KLK13: variants seen among roughly 807,000 people sequenced by gnomAD.
KLK13 encodes kallikrein related peptidase 13, also known as kallikrein-13.
In KLK13, 19 loss-of-function variants were observed where a neutral mutation model predicts 22.4. The ratio of observed to expected loss-of-function variants is 0.85; its 90% CI spans 0.59 to 1.24. KLK13 has a LOEUF of 1.24. Ranked by LOEUF, KLK13 falls within the 50% of genes most tolerant of loss-of-function variation. The pLI is 0.00. For synonymous variants in KLK13, 156 were observed against 141.8 expected (o/e 1.10, Z -0.71); for missense variants, 311 against 347.9 (o/e 0.89, Z 0.84).
At chr19:51,064,308 C>T (rs1257557664) in intron 1 of KLK13, among the ~76,000 whole-genome samples, 3 of 151,650 alleles carry the variant, frequency 2.0e-5, no homozygotes, top group African/African-American at 4.8e-5. Flanking sequence ...ACCAACATGG[C>T]GAAACCCCGT....
chr19:51,065,037 G>T lies in KLK13; in HGVS notation c.31C>A (p.Leu11Met), dbSNP rs866186319. Residue 11 changes from leucine (L) to methionine (M), a missense_variant, in exon 1 of 5, where the codon CTG becomes ATG. Leu to Met is a conservative substitution (Grantham distance 15). Coordinates refer to ENST00000595793, the MANE Select transcript of KLK13 (RefSeq NM_015596.3). MWPLALVIASLTLALSGGVSQ... is the reference protein window; with the variant it reads MWPLALVIASMTLALSGGVSQ... ...TTACCTCCTGACAAGGCCAAGGTCAGGGAGGCGATCACTAGGGCCAGGGGC... is the reference window on the plus strand; with the variant it reads ...TTACCTCCTGACAAGGCCAAGGTCATGGAGGCGATCACTAGGGCCAGGGGC... 1 of 1,554,916 alleles carries T rather than the reference G, an allele frequency of 6.4e-7. No individual in the cohort carries two copies. The highest frequency in any genetic ancestry group is 2.4e-5 in the East Asian group (1 of 41,400).
rs1260125701 is a variant in KLK13, at chr19:51,060,597, C to T, written c.75G>A (p.Lys25=). The change falls in exon 2 of 5, where the codon AAG becomes AAA. Residue 25 remains lysine (K), a synonymous_variant. Transcript: ENST00000595793. ...CACTGGTCCCATTGGTGTTGAGAAC[C>T]TTGGAAGACTCCTGGGAGACACCTG... is the stretch of plus-strand genomic sequence containing the variant. ...LSGGVSQESS[K]VLNTNGTSGF... is the part of the protein sequence containing the mutation. 12 of 1,605,954 alleles carry T rather than the reference C, an allele frequency of 7.5e-6. No individual in the cohort carries two copies. Among genetic ancestry groups the T allele is most frequent in the Non-Finnish European group, 1.0e-5 (12 of 1,174,246 alleles).
At chr19:51,061,327 A>G (rs568490832) in intron 1 of KLK13, among the ~76,000 whole-genome samples, 2 of 152,266 alleles carry the variant, frequency 1.3e-5, no homozygotes, top group East Asian at 1.9e-4. Flanking sequence ...CTGCATATAT[A>G]CTGGTTGCCT....
chr19:51,060,147 C>T (rs1351679962), intron 2 of KLK13, 54 bp from the exon 3 acceptor site: 1 of 1,596,678 alleles, frequency 6.3e-7, no homozygotes, highest in Non-Finnish European at 8.5e-7. Context: ...ATTTCCATCC[C>T]CATCCCAGCC....
At position 51,060,017 on chromosome 19, in the gene KLK13, A is replaced by G. The variant is rs750611953; in HGVS notation, c.316T>C (p.Ser106Pro). The change falls in exon 3 of 5, where the codon TCT (serine) becomes CCT (proline). Residue 106 changes from serine to proline, a missense_variant. Ser to Pro is a moderately conservative substitution (Grantham distance 74). Coordinates refer to ENST00000595793, the MANE Select transcript of KLK13 (RefSeq NM_015596.3). ...AGEQVREVVH[S>P]IPHPEYRRSP... ...CTCCGGTATTCAGGGTGGGGGATAGAGTGGACAACTTCCCTCACCTGCTCA... is the reference window on the plus strand; with the variant it reads ...CTCCGGTATTCAGGGTGGGGGATAGGGTGGACAACTTCCCTCACCTGCTCA... 3.1e-6 allele frequency: 5 copies of G among 1,613,790 alleles called. No individual in the cohort carries two copies. The highest frequency in any genetic ancestry group is 4.2e-6 in the Non-Finnish European group (5 of 1,179,846).
chr19:51,061,851 A>G (rs2091734371), intron 1 of KLK13, among the ~76,000 whole-genome samples: 1 of 152,004 alleles, frequency 6.6e-6, no homozygotes, highest in African/African-American at 2.4e-5. Flanking sequence ...AGCCTCTTTG[A>G]CCCCATCTCC....
chr19:51,056,930 G>T (rs912544737), intron 4 of KLK13, among the ~76,000 whole-genome samples, 155 bp from the exon 5 acceptor site: 2 of 152,182 alleles, frequency 1.3e-5, no homozygotes, highest in African/African-American at 4.8e-5. Context: ...CAGTGTGAGA[G>T]AAAGCAATGA....
At chr19:51,058,349 G>A (rs1327595098) in intron 4 of KLK13, among the ~76,000 whole-genome samples, 189 bp downstream of exon 4, 1 of 152,116 alleles carries the variant, frequency 6.6e-6, no homozygotes, top group Non-Finnish European at 1.5e-5. Context: ...TCAAAGCTGG[G>A]GCTTATGATG....
chr19:51,064,360 C>T (rs545775057), intron 1 of KLK13, among the ~76,000 whole-genome samples: 1 of 151,750 alleles, frequency 6.6e-6, no homozygotes, highest in Admixed American at 6.6e-5. Context: ...TGGTGGCGGG[C>T]GCCTGTAATC....
At chr19:51,062,999 C>T (rs574359439) in intron 1 of KLK13, among the ~76,000 whole-genome samples, 11 of 152,242 alleles carry the variant, frequency 7.2e-5, no homozygotes, top group Admixed American at 2.0e-4. Context: ...AACGTTAAAT[C>T]GCACACTCAG....
intron 1 of KLK13, 98 bp downstream of exon 1, chr19:51,064,918 G>A (rs377236474): frequency 5.1e-6 from 5 of 981,060 alleles, no homozygotes; most frequent in East Asian, 5.5e-5. Context: ...TGGGCGGGGG[G>A]CGGAGCTCGC....
At position 51,064,998 on chromosome 19, in the gene KLK13, A is replaced by C. The variant is rs2091768583; in HGVS notation, c.52+18T>G. Reference sequence around the variant, plus strand: ...TGTCCCGAATGGCCGCCGCGCCTCCACCCCCGCGCATTCTTACCTCCTGAC... The same window carrying C: ...TGTCCCGAATGGCCGCCGCGCCTCCCCCCCCGCGCATTCTTACCTCCTGAC... On this transcript the variant is annotated intron_variant, in intron 1 of 4. Transcript: ENST00000595793. The C allele has an allele frequency of 1.5e-6, 2 of 1,350,820 alleles. No homozygotes were observed. Among genetic ancestry groups the C allele is most frequent in the African/African-American group, 1.6e-5 (1 of 64,094 alleles). 83.7% of individuals were successfully genotyped at this position (1,350,820 alleles called of 1,614,324 possible). A position where few individuals can be genotyped will look rare whatever the true frequency, so the allele number is the denominator to read the frequency against.
At position 51,056,383 on chromosome 19, in the gene KLK13, T is replaced by C; in HGVS notation, c.*204A>G. On this transcript the variant is annotated 3_prime_UTR_variant, in exon 5 of 5. Coordinates refer to ENST00000595793, the MANE Select transcript of KLK13 (RefSeq NM_015596.3). ...GGGACATTCAGGTTGTTGAGATGTT[T>C]CAGGGATGCAACATCTGGGAGACTG... The C allele has an allele frequency of 1.7e-6, 1 of 580,176 alleles. No individual in the cohort carries two copies. Among genetic ancestry groups the C allele is most frequent in the East Asian group, 2.9e-5 (1 of 34,448 alleles). The allele number at this position is 580,176 out of a possible 1,614,324, so 35.9% of individuals were successfully genotyped here. A position where few individuals can be genotyped will look rare whatever the true frequency, so the allele number is the denominator to read the frequency against.
rs1043457205 is a variant in KLK13, at chr19:51,060,420, G to A, written c.239+13C>T. 37 of 1,558,912 alleles carry A rather than the reference G, an allele frequency of 2.4e-5. No homozygotes were observed. The highest frequency in any genetic ancestry group is 3.8e-5 in the Admixed American group (2 of 52,130). ...TCTCATCCCTACCCCATGCTCCCCC[G>A]GCCCCCACATACTCCTTTAGACAGT... On this transcript the variant is annotated intron_variant, in intron 2 of 4. Transcript: ENST00000595793.
intron 1 of KLK13, among the ~76,000 whole-genome samples, chr19:51,060,863 C>T (rs750999378): frequency 2.6e-5 from 4 of 152,144 alleles, no homozygotes; most frequent in Non-Finnish European, 4.4e-5. Flanking sequence ...GAAGAGTTCA[C>T]AAAATGAGGA....
intron 2 of KLK13, 139 bp from the exon 3 acceptor site, chr19:51,060,232 C>G: frequency 8.6e-7 from 1 of 1,168,386 alleles, no homozygotes; most frequent in Non-Finnish European, 1.2e-6. Context: ...CTCCCCCATC[C>G]TCAACTTCAA....
intron 2 of KLK13, 107 bp downstream of exon 2, chr19:51,060,326 C>G (rs771500804): frequency 1.1e-5 from 13 of 1,237,084 alleles, no homozygotes; most frequent in Non-Finnish European, 1.5e-5. Context: ...ACTCCCATGT[C>G]CATCCCCAAC....
chr19:51,064,212 C>G (rs1304616675), intron 1 of KLK13, among the ~76,000 whole-genome samples: 2 of 151,980 alleles, frequency 1.3e-5, no homozygotes, highest in Admixed American at 6.6e-5. Context: ...ATACTAGAGG[C>G]CGGGCTCGGT....
At chr19:51,059,364 T>C (rs966886228) in intron 3 of KLK13, among the ~76,000 whole-genome samples, 6 of 147,084 alleles carry the variant, frequency 4.1e-5, no homozygotes, top group Non-Finnish European at 7.4e-5. Flanking sequence ...ATGATAAAAT[T>C]CATTTACAGT....
Sources: gnomAD v4.1 joint callset for allele counts (sites outside exome capture counted in the v4.1 genomes callset) on GRCh38, gnomAD v4.1.1 for gene constraint, MANE v1.5 for transcripts, NCBI Gene and HGNC (gene_info 2026-07-23, HGNC 2026-07-21) for gene names.